KANK1: variants seen among roughly 807,000 people sequenced by gnomAD.
The protein encoded by KANK1 is KN motif and ankyrin repeat domain-containing protein 1.
Under a neutral mutation model 106.2 loss-of-function variants are expected in KANK1, and 109 were observed. The ratio of observed to expected loss-of-function variants is 1.03; its 90% CI spans 0.88 to 1.20. The LOEUF is 1.20. Ranked by LOEUF, KANK1 falls within the 50% of genes most tolerant of loss-of-function variation. KANK1 has a pLI of 0.00. For missense variants in KANK1, 2,399 were observed against 1,710.7 expected, an observed-to-expected ratio of 1.40 and a Z score of -7.10; for synonymous variants, 873 against 652.2, an observed-to-expected ratio of 1.34 and a Z score of -5.16.
At chr9:576,823 CTG>C (rs886159570) in intron 1 of KANK1, among the ~76,000 whole-genome samples, 1 of 152,048 alleles carries the variant, frequency 6.6e-6, no homozygotes, top group African/African-American at 2.4e-5. Flanking sequence ...TGATAAATAA[CTG>C]TTAAATAGAT....
intron 1 of KANK1, among the ~76,000 whole-genome samples, chr9:579,548 C>T (rs1435780359): frequency 6.6e-6 from 1 of 152,122 alleles, no homozygotes; most frequent in African/African-American, 2.4e-5. Context: ...CTGGAGCCCG[C>T]CTGTCAGCTC....
intron 10 of KANK1, among the ~76,000 whole-genome samples, chr9:743,134 G>C (rs999391081): frequency 1.3e-5 from 2 of 152,238 alleles, no homozygotes. Flanking sequence ...AAAGGTCACA[G>C]AGGTCGGGTT....
chr9:512,988 C>T (rs2059103497), intron 1 of KANK1, among the ~76,000 whole-genome samples: 1 of 152,044 alleles, frequency 6.6e-6, no homozygotes, highest in East Asian at 1.9e-4. Context: ...ATATGGAAAA[C>T]TCAGGTTTGT....
intron 1 of KANK1, among the ~76,000 whole-genome samples, chr9:632,375 G>A (rs542165494): frequency 6.6e-6 from 1 of 152,216 alleles, no homozygotes; most frequent in African/African-American, 2.4e-5. Flanking sequence ...GGAATCAGTG[G>A]TTTAGTAATT....
Position 682,811 on chromosome 9 carries a change from A to G in KANK1, c.37+5802A>G, listed in dbSNP as rs1485121179. Among the ~76,000 whole-genome samples, 3 of 152,162 alleles carry G rather than the reference A, an allele frequency of 2.0e-5. No individual in the cohort carries two copies. The East Asian group carries it at 5.8e-4, about 29-fold the overall frequency. On this transcript the variant is annotated intron_variant, in intron 2 of 11. Transcript: ENST00000382297. ...GGCTCCAGCTTTTGTCTCTATGCTGATCTTAAATGAGTACAAAGGCCACTG... is the reference window on the plus strand; with the variant it reads ...GGCTCCAGCTTTTGTCTCTATGCTGGTCTTAAATGAGTACAAAGGCCACTG...
chr9:643,496 A>G (rs1468175774), intron 1 of KANK1, among the ~76,000 whole-genome samples: 2 of 150,026 alleles, frequency 1.3e-5, no homozygotes, highest in Non-Finnish European at 2.9e-5. Context: ...TTTAAAAGCA[A>G]AAGATTTTTA....
intron 3 of KANK1, among the ~76,000 whole-genome samples, chr9:493,159 T>C (rs542647901): frequency 6.6e-6 from 1 of 150,452 alleles, no homozygotes; most frequent in East Asian, 1.9e-4. Flanking sequence ...CCATAGAATA[T>C]GGCAGAAGTG....
chr9:656,767 A>T (rs1008163254), intron 1 of KANK1, among the ~76,000 whole-genome samples: 1 of 152,192 alleles, frequency 6.6e-6, no homozygotes, highest in Non-Finnish European at 1.5e-5. Context: ...AGTCTCCTGT[A>T]TTAAAAAGGG....
intron 1 of KANK1, chr9:539,665 A>G (rs964864669): frequency 2.6e-5 from 4 of 151,834 alleles, no homozygotes; most frequent in South Asian, 2.1e-4. Context: ...TGATTTTTAA[A>G]TTTTTTTGTA....
intron 1 of KANK1, among the ~76,000 whole-genome samples, chr9:597,683 A>T (rs75423858): frequency 2.7e-5 from 4 of 150,008 alleles, no homozygotes; most frequent in Non-Finnish European, 5.9e-5. Context: ...ATTTTTTTTT[A>T]GACAGAGTCT....
chr9:686,892 G>A (rs1818708087), intron 2 of KANK1: 1 of 985,310 alleles, frequency 1.0e-6, no homozygotes, highest in Non-Finnish European at 1.2e-6. Flanking sequence ...TGTAAATGAA[G>A]AATCCTGAGA....
intron 1 of KANK1, among the ~76,000 whole-genome samples, chr9:639,010 A>G (rs1837771246): frequency 6.6e-6 from 1 of 152,188 alleles, no homozygotes; most frequent in Admixed American, 6.5e-5. Flanking sequence ...GAAGCTTCAT[A>G]AAATGAATAG....
At chr9:515,051 A>G (rs868032674) in intron 1 of KANK1, among the ~76,000 whole-genome samples, 8 of 151,866 alleles carry the variant, frequency 5.3e-5, no homozygotes, top group East Asian at 1.9e-4. Flanking sequence ...GTAGAAAAAC[A>G]AAGCCAGTTT....
At chr9:645,954 A>G (rs1446257525) in intron 1 of KANK1, among the ~76,000 whole-genome samples, 2 of 151,070 alleles carry the variant, frequency 1.3e-5, no homozygotes, top group African/African-American at 5.0e-5. Context: ...TATTTCAACA[A>G]ACACTTATTG....
At chr9:514,497 C>A (rs1021960037) in intron 1 of KANK1, among the ~76,000 whole-genome samples, 1 of 150,608 alleles carries the variant, frequency 6.6e-6, no homozygotes, top group Non-Finnish European at 1.5e-5. Flanking sequence ...CGAGGGTATC[C>A]TTACTTCTAA....
chr9:671,198 T>G (rs1252071016), intron 1 of KANK1, among the ~76,000 whole-genome samples: 1 of 151,094 alleles, frequency 6.6e-6, no homozygotes, highest in African/African-American at 2.4e-5. Context: ...TTCCTACCAT[T>G]GCATTTAGAA....
chr9:624,194 A>C (rs1415488923), intron 1 of KANK1, among the ~76,000 whole-genome samples: 2 of 152,152 alleles, frequency 1.3e-5, no homozygotes, highest in Admixed American at 1.3e-4. Flanking sequence ...TCCACAAGCC[A>C]AGAGTAGAAT....
chr9:710,963 G>T lies in KANK1; in HGVS notation c.197G>T (p.Arg66Met). ...NTIKRLNIQK[R>M]RKPSVPCPEP... is the part of the protein sequence containing the mutation. The stretch of plus-strand genomic sequence containing the variant: ...ATCAAAAGACTGAACATCCAGAAGA[G>T]GCGGAAGCCGTCCGTGCCATGCCCA... Residue 66 changes from arginine to methionine, a missense_variant, in exon 3 of 12, where the codon AGG becomes ATG. Coordinates refer to ENST00000382297, the MANE Select transcript of KANK1 (RefSeq NM_015158.5). The T allele has an allele frequency of 6.2e-7, 1 of 1,614,188 alleles. No individual in the cohort carries two copies. The highest frequency in any genetic ancestry group is 1.1e-5 in the South Asian group (1 of 91,084).
chr9:485,050 T>G (rs2058268185), intron 3 of KANK1, among the ~76,000 whole-genome samples: 3 of 152,248 alleles, frequency 2.0e-5, no homozygotes, highest in Admixed American at 2.0e-4. Context: ...AGACCAACTT[T>G]GGTTCTTGGG....
Sources: gnomAD v4.1 joint callset for allele counts (sites outside exome capture counted in the v4.1 genomes callset) on GRCh38, gnomAD v4.1.1 for gene constraint, MANE v1.5 for transcripts, NCBI Gene and HGNC (gene_info 2026-07-23, HGNC 2026-07-21) for gene names.